The following GALNTL6 variants were observed in gnomAD, a reference collection of about 807,000 sequenced individuals.
GALNTL6 encodes polypeptide N-acetylgalactosaminyltransferase like 6, also known as polypeptide N-acetylgalactosaminyltransferase-like 6.
In GALNTL6, 46 loss-of-function variants were observed where a neutral mutation model predicts 73.7. That is an observed-to-expected ratio of 0.62 (90% CI 0.49 to 0.80). The LOEUF (loss-of-function observed/expected upper bound fraction) is 0.80. Ranked by LOEUF, GALNTL6 falls within the 30% of genes least tolerant of loss-of-function variation. GALNTL6 has a pLI of 0.00. For missense variants in GALNTL6, 604 were observed against 755.0 expected (o/e 0.80, Z 2.34); for synonymous variants, 259 against 263.7 (o/e 0.98, Z 0.17).
At chr4:172,810,645 A>G (rs1255043009) in intron 6 of GALNTL6, among the ~76,000 whole-genome samples, 1 of 152,182 alleles carries the variant, frequency 6.6e-6, no homozygotes, top group Non-Finnish European at 1.5e-5. Context: ...TTAAAACAGG[A>G]AATAACCAGC....
At chr4:171,964,368 C>T (rs1739322807) in intron 2 of GALNTL6, among the ~76,000 whole-genome samples, 1 of 152,144 alleles carries the variant, frequency 6.6e-6, no homozygotes, top group Admixed American at 6.6e-5. Flanking sequence ...ATTTCCAAAG[C>T]AAACAATCTA....
chr4:172,043,788 A>G (rs774981656), intron 2 of GALNTL6, among the ~76,000 whole-genome samples: 9 of 152,104 alleles, frequency 5.9e-5, no homozygotes, highest in Non-Finnish European at 1.2e-4. Flanking sequence ...ATGCAAAGAT[A>G]TCTTCAATTT....
chr4:172,124,179 C>T (rs537904905), intron 2 of GALNTL6, among the ~76,000 whole-genome samples: 60 of 152,202 alleles, frequency 3.9e-4, no homozygotes, highest in African/African-American at 1.4e-3. Flanking sequence ...GTTTCTAAAC[C>T]TTTTATGCAA....
At chr4:172,748,292 C>G (rs542227574) in intron 5 of GALNTL6, among the ~76,000 whole-genome samples, 2 of 152,016 alleles carry the variant, frequency 1.3e-5, no homozygotes, top group African/African-American at 2.4e-5. Flanking sequence ...CATCGCAGTA[C>G]GCACTCACAC....
intron 10 of GALNTL6, 71 bp from the exon 11 acceptor site, chr4:173,009,107 C>A: frequency 1.0e-6 from 1 of 975,418 alleles, no homozygotes; most frequent in Non-Finnish European, 1.7e-6. Context: ...TTAATCTACA[C>A]CATGGTTGTT....
intron 2 of GALNTL6, among the ~76,000 whole-genome samples, chr4:171,969,619 A>G (rs1739500094): frequency 6.6e-6 from 1 of 152,242 alleles, no homozygotes; most frequent in East Asian, 1.9e-4. Flanking sequence ...TTTTATTTAT[A>G]CAAAGATAGC....
At position 172,721,289 on chromosome 4, in the gene GALNTL6, T is replaced by C. The variant is rs78482471; in HGVS notation, c.554-88072T>C. On this transcript the variant is annotated intron_variant, in intron 5 of 12. Coordinates refer to ENST00000506823, the MANE Select transcript of GALNTL6 (RefSeq NM_001034845.3). The stretch of plus-strand genomic sequence containing the variant: ...ACAATGATAACCCTTGGAAACCAAA[T>C]ACTTGGAAGAAAAGGCAAGGGTAAA... Among the ~76,000 whole-genome samples, 1,151 of 152,214 alleles carry C rather than the reference T, an allele frequency of 7.6e-3. 12 individuals carry two copies. Among genetic ancestry groups the C allele is most frequent in the African/African-American group, 0.026 (1,097 of 41,550 alleles).
At chr4:172,393,563 C>T (rs1009669706) in intron 5 of GALNTL6, among the ~76,000 whole-genome samples, 1 of 152,156 alleles carries the variant, frequency 6.6e-6, no homozygotes, top group East Asian at 1.9e-4. Flanking sequence ...TTTTAAAAAT[C>T]TCATCTTTTG....
chr4:172,477,511 T>C, intron 5 of GALNTL6, among the ~76,000 whole-genome samples: 1 of 152,106 alleles, frequency 6.6e-6, no homozygotes, highest in East Asian at 1.9e-4. Flanking sequence ...CCACGGCAAA[T>C]TTATATGTTG....
intron 2 of GALNTL6, among the ~76,000 whole-genome samples, chr4:171,952,376 CT>C (rs1024826678): frequency 1.3e-5 from 2 of 151,864 alleles, no homozygotes; most frequent in African/African-American, 4.8e-5. Flanking sequence ...ACTTCTCCTT[CT>C]TATTCAAATG....
chr4:172,916,884 T>C (rs1296689724), intron 8 of GALNTL6, among the ~76,000 whole-genome samples: 7 of 152,108 alleles, frequency 4.6e-5, no homozygotes, highest in Non-Finnish European at 5.9e-5. Flanking sequence ...CTTCACAGAA[T>C]TGGAAAAAAC....
chr4:171,815,208 C>T (rs1427729947), intron 2 of GALNTL6: 1 of 162,994 alleles, frequency 6.1e-6, no homozygotes, highest in Non-Finnish European at 1.3e-5. Context: ...TTAGCAACAG[C>T]TTTTTACCCT....
chr4:172,777,277 T>C (rs1739126204), intron 5 of GALNTL6, among the ~76,000 whole-genome samples: 1 of 152,240 alleles, frequency 6.6e-6, no homozygotes, highest in Non-Finnish European at 1.5e-5. Flanking sequence ...TATAGCTACG[T>C]ATCTTTCCAT....
intron 5 of GALNTL6, among the ~76,000 whole-genome samples, chr4:172,386,779 TC>T (rs1264315657): frequency 3.9e-5 from 6 of 152,080 alleles, no homozygotes; most frequent in African/African-American, 1.4e-4. Flanking sequence ...AAATTTACCC[TC>T]TGCTTTTTGG....
intron 2 of GALNTL6, among the ~76,000 whole-genome samples, chr4:172,159,404 A>T (rs1410439989): frequency 1.3e-5 from 2 of 152,188 alleles, no homozygotes; most frequent in Non-Finnish European, 2.9e-5. Context: ...AATTACAAAG[A>T]TGTATTAGAT....
At chr4:172,475,063 C>T (rs746354610) in intron 5 of GALNTL6, among the ~76,000 whole-genome samples, 51 of 152,104 alleles carry the variant, frequency 3.4e-4, no homozygotes, top group Non-Finnish European at 5.9e-4. Context: ...TGATTTCCTT[C>T]GTTCTAGAGT....
At chr4:172,136,481 C>A (rs1034248919) in intron 2 of GALNTL6, among the ~76,000 whole-genome samples, 6 of 151,960 alleles carry the variant, frequency 3.9e-5, no homozygotes, top group Non-Finnish European at 8.8e-5. Context: ...TCTCAATGAT[C>A]CCCTTTAATC....
intron 2 of GALNTL6, among the ~76,000 whole-genome samples, chr4:171,849,024 G>A (rs1378443677): frequency 1.3e-5 from 2 of 151,898 alleles, no homozygotes; most frequent in Non-Finnish European, 1.5e-5. Context: ...TGTGACCATC[G>A]CCTGAATAGT....
intron 8 of GALNTL6, among the ~76,000 whole-genome samples, chr4:172,883,960 G>C (rs1309263540): frequency 6.6e-6 from 1 of 152,088 alleles, no homozygotes; most frequent in Non-Finnish European, 1.5e-5. Flanking sequence ...GCAAATGATA[G>C]TATTTCATTC....
Sources: allele counts gnomAD v4.1 joint callset (sites outside exome capture counted in the v4.1 genomes callset), GRCh38; gene constraint gnomAD v4.1.1; transcripts MANE v1.5; gene names NCBI Gene and HGNC (gene_info 2026-07-23, HGNC 2026-07-21).